Variants in MDGA2 observed in about 807,000 individuals in gnomAD.
MDGA2 encodes MAM domain-containing glycosylphosphatidylinositol anchor protein 2.
MDGA2 carries 40 observed loss-of-function variants against 117.8 expected under a neutral mutation model. The ratio of observed to expected loss-of-function variants is 0.34; its 90% CI spans 0.26 to 0.44. MDGA2 has a LOEUF of 0.44. MDGA2 is among the 20% of genes least tolerant of loss of function. The pLI, the probability that MDGA2 is intolerant of heterozygous loss-of-function variation, is 1.00. For missense variants in MDGA2, 1,123 were observed against 1,250.6 expected (o/e 0.90, Z 1.54); for synonymous variants, 452 against 439.0 (o/e 1.03, Z -0.37).
chr14:47,274,778 C>T (rs1888258462), intron 2 of MDGA2, among the ~76,000 whole-genome samples: 2 of 152,092 alleles, frequency 1.3e-5, no homozygotes, highest in East Asian at 1.9e-4. Context: ...AAAGTGGTGT[C>T]TCCTTGTAGG....
chr14:46,908,418 G>C (rs1883579132), intron 10 of MDGA2, among the ~76,000 whole-genome samples: 1 of 152,096 alleles, frequency 6.6e-6, no homozygotes, highest in South Asian at 2.1e-4. Context: ...TATTGAGATA[G>C]AAAATTTAAA....
chr14:47,265,423 TA>T (rs1887934053), intron 2 of MDGA2, among the ~76,000 whole-genome samples: 1 of 152,126 alleles, frequency 6.6e-6, no homozygotes, highest in African/African-American at 2.4e-5. Context: ...GATTTAATAA[TA>T]TATGTATCTC....
chr14:47,514,129 T>C (rs1262280957), intron 1 of MDGA2, among the ~76,000 whole-genome samples: 1 of 152,116 alleles, frequency 6.6e-6, no homozygotes, highest in African/African-American at 2.4e-5. Context: ...CCTTTTACTG[T>C]TTTCAATTCG....
intron 1 of MDGA2, among the ~76,000 whole-genome samples, chr14:47,518,739 C>A (rs902229681): frequency 2.0e-5 from 3 of 152,156 alleles, no homozygotes; most frequent in African/African-American, 7.2e-5. Context: ...GAGCCATAAG[C>A]CATCTATAGT....
chr14:47,173,267 G>A (rs1884253165), intron 3 of MDGA2, among the ~76,000 whole-genome samples: 1 of 152,080 alleles, frequency 6.6e-6, no homozygotes, highest in Admixed American at 6.5e-5. Flanking sequence ...TAGCAAGGCA[G>A]GCCAACGTTC....
At chr14:47,542,474 G>A (rs898529399) in intron 1 of MDGA2, among the ~76,000 whole-genome samples, 1 of 152,148 alleles carries the variant, frequency 6.6e-6, no homozygotes, top group Non-Finnish European at 1.5e-5. Flanking sequence ...GAATCGGTTG[G>A]TACACAATAT....
chr14:46,844,407 G>A (rs940707127), intron 16 of MDGA2, among the ~76,000 whole-genome samples: 2 of 151,736 alleles, frequency 1.3e-5, no homozygotes, highest in Admixed American at 6.6e-5. Context: ...TGGTGAAACC[G>A]CGTCTCTACT....
intron 10 of MDGA2, among the ~76,000 whole-genome samples, chr14:46,902,271 A>G (rs921271011): frequency 1.3e-4 from 20 of 152,164 alleles, no homozygotes; most frequent in Non-Finnish European, 2.5e-4. Context: ...CCCAATGTTA[A>G]CGTAAGTGGT....
intron 1 of MDGA2, among the ~76,000 whole-genome samples, chr14:47,459,407 T>G (rs1479332334): frequency 1.5e-5 from 2 of 134,408 alleles, no homozygotes; most frequent in East Asian, 5.8e-4. Context: ...ACCATTAGTT[T>G]CACTTTTTTT....
intron 1 of MDGA2, chr14:47,343,229 T>A: frequency 8.8e-7 from 1 of 1,141,630 alleles, no homozygotes; most frequent in South Asian, 1.8e-5. Context: ...GTTTGTTTGT[T>A]TTTTTCAGGA....
intron 1 of MDGA2, among the ~76,000 whole-genome samples, chr14:47,377,178 A>G (rs1891497253): frequency 6.6e-6 from 1 of 152,210 alleles, no homozygotes. Context: ...GGTATAATCC[A>G]TTGATGAAAC....
chr14:47,436,314 T>C (rs2138537230), intron 1 of MDGA2, among the ~76,000 whole-genome samples: 1 of 152,230 alleles, frequency 6.6e-6, no homozygotes, highest in South Asian at 2.1e-4. Context: ...GGGTTAGAAA[T>C]AGGTTTCAAG....
At chr14:47,168,249 CTCTT>C (rs954685907) in intron 3 of MDGA2, among the ~76,000 whole-genome samples, 1 of 143,846 alleles carries the variant, frequency 7.0e-6, no homozygotes, top group African/African-American at 2.6e-5. Context: ...CTCTCTCTCT[CTCTT>C]TAACCATAGT....
intron 1 of MDGA2, among the ~76,000 whole-genome samples, chr14:47,622,996 T>A (rs1032831678): frequency 1.3e-5 from 2 of 152,082 alleles, no homozygotes; most frequent in African/African-American, 4.8e-5. Context: ...TCCCTAAAGT[T>A]CACGTATTGG....
intron 5 of MDGA2, among the ~76,000 whole-genome samples, chr14:47,114,699 A>T (rs1241796331): frequency 6.6e-6 from 1 of 152,060 alleles, no homozygotes; most frequent in Non-Finnish European, 1.5e-5. Context: ...ATATAGTGCT[A>T]GGAGAATGGG....
chr14:47,339,787 G>A (rs566692606), intron 1 of MDGA2, among the ~76,000 whole-genome samples: 2 of 152,182 alleles, frequency 1.3e-5, no homozygotes, highest in East Asian at 3.9e-4. Context: ...GGGGATTCCT[G>A]TATAGCAACA....
At chr14:47,025,136 A>G (rs947273123) in intron 8 of MDGA2, among the ~76,000 whole-genome samples, 12 of 152,216 alleles carry the variant, frequency 7.9e-5, no homozygotes, top group African/African-American at 2.9e-4. Context: ...GAGTAAAAGA[A>G]TTGCTAAGAG....
chr14:47,042,322 T>TG (rs1388372110), intron 7 of MDGA2, among the ~76,000 whole-genome samples: 31 of 115,198 alleles, frequency 2.7e-4, no homozygotes, highest in Admixed American at 1.9e-3. Context: ...GTTTTTTTTT[T>TG]TTTTTTGTGT....
chr14:47,669,379 C>G (rs1173557934), intron 1 of MDGA2, among the ~76,000 whole-genome samples: 1 of 152,176 alleles, frequency 6.6e-6, no homozygotes, highest in Non-Finnish European at 1.5e-5. Flanking sequence ...TGTTAATTGT[C>G]TAAACTCTGG....
Sources: gnomAD v4.1 joint callset for allele counts (sites outside exome capture counted in the v4.1 genomes callset) on GRCh38, gnomAD v4.1.1 for gene constraint, MANE v1.5 for transcripts, NCBI Gene and HGNC (gene_info 2026-07-23, HGNC 2026-07-21) for gene names.